Variants in NFX1 observed in about 807,000 individuals in gnomAD.
NFX1 encodes nuclear transcription factor, X-box binding 1, also known as transcriptional repressor NF-X1.
NFX1 carries 69 observed loss-of-function variants against 137.2 expected under a neutral mutation model. The ratio of observed to expected loss-of-function variants is 0.50; its 90% CI spans 0.41 to 0.61. The LOEUF (loss-of-function observed/expected upper bound fraction) is 0.61. Ranked by LOEUF, NFX1 falls within the 20% of genes least tolerant of loss-of-function variation. The pLI, the probability that NFX1 is intolerant of heterozygous loss-of-function variation, is 0.00. For missense variants in NFX1, 1,167 were observed against 1,391.0 expected, an observed-to-expected ratio of 0.84 and a Z score of 2.56; for synonymous variants, 495 against 474.1, an observed-to-expected ratio of 1.04 and a Z score of -0.57.
At chr9:33,314,449 G>A (rs987221283) in intron 7 of NFX1, among the ~76,000 whole-genome samples, 3 of 152,002 alleles carry the variant, frequency 2.0e-5, no homozygotes, top group Non-Finnish European at 2.9e-5. Context: ...GGGTGAGGCC[G>A]GTGGATCACT....
At chr9:33,334,096 G>A (rs1822910864) in intron 11 of NFX1, among the ~76,000 whole-genome samples, 1 of 152,202 alleles carries the variant, frequency 6.6e-6, no homozygotes, top group South Asian at 2.1e-4. Flanking sequence ...AGTGAACTGA[G>A]ATCACACCAT....
intron 9 of NFX1, among the ~76,000 whole-genome samples, chr9:33,326,821 A>G (rs1354286777): frequency 2.0e-5 from 3 of 152,224 alleles, no homozygotes; most frequent in Admixed American, 2.0e-4. Context: ...TATTGGGTTT[A>G]TAACATATAG....
intron 13 of NFX1, 70 bp from the exon 14 acceptor site, chr9:33,343,998 TG>T: frequency 6.3e-7 from 1 of 1,589,522 alleles, no homozygotes; most frequent in Non-Finnish European, 8.6e-7. Flanking sequence ...TGTGTGTTTG[TG>T]TGTGTTAGTA....
At chr9:33,359,300 A>G (rs1025497014) in intron 19 of NFX1, among the ~76,000 whole-genome samples, 3 of 151,956 alleles carry the variant, frequency 2.0e-5, no homozygotes, top group African/African-American at 7.3e-5. Flanking sequence ...GGAGGGTGGT[A>G]ATAATAGATA....
At chr9:33,344,897 C>T (rs775742113) in intron 14 of NFX1, among the ~76,000 whole-genome samples, 1 of 151,978 alleles carries the variant, frequency 6.6e-6, no homozygotes, top group Non-Finnish European at 1.5e-5. Context: ...CACAGTGGCT[C>T]ATGCCTGTAA....
At chr9:33,301,553 A>ATATGTT in intron 3 of NFX1, 132 bp downstream of exon 3, 2 of 863,898 alleles carry the variant, frequency 2.3e-6, no homozygotes, top group Non-Finnish European at 3.4e-6. Flanking sequence ...TGTTACCTTG[A>ATATGTT]TCATGTGTTT....
intron 17 of NFX1, 48 bp from the exon 18 acceptor site, chr9:33,354,038 C>G: frequency 6.5e-7 from 1 of 1,528,472 alleles, no homozygotes; most frequent in African/African-American, 1.4e-5. Context: ...TAAGGAGGTT[C>G]TTGTGAAACT....
intron 20 of NFX1, among the ~76,000 whole-genome samples, 155 bp from the exon 21 acceptor site, chr9:33,364,553 C>A (rs1221314947): frequency 6.6e-6 from 1 of 152,204 alleles, no homozygotes; most frequent in Non-Finnish European, 1.5e-5. Flanking sequence ...TTTTGTTCTT[C>A]CGTCAGTCAT....
At chr9:33,369,807 A>T in intron 23 of NFX1, 99 bp from the exon 24 acceptor site, 1 of 848,092 alleles carries the variant, frequency 1.2e-6, no homozygotes, top group Non-Finnish European at 1.9e-6. Flanking sequence ...AATGTTTAAG[A>T]TTCACAAATG....
intron 12 of NFX1, among the ~76,000 whole-genome samples, chr9:33,340,345 G>A (rs1219857816): frequency 3.9e-5 from 6 of 152,360 alleles, no homozygotes; most frequent in African/African-American, 1.2e-4. Flanking sequence ...CCCAAGCTCT[G>A]TGTTGGCCCC....
At chr9:33,301,235 C>T in intron 2 of NFX1, 28 bp from the exon 3 acceptor site, 1 of 1,602,232 alleles carries the variant, frequency 6.2e-7, no homozygotes, top group Non-Finnish European at 8.5e-7. Context: ...TTGAGTTAAT[C>T]TTTTTTGTTA....
chr9:33,355,915 G>A (rs1823795335), intron 19 of NFX1, among the ~76,000 whole-genome samples: 1 of 152,114 alleles, frequency 6.6e-6, no homozygotes, highest in South Asian at 2.1e-4. Context: ...AAAGTGTTGG[G>A]ATTACAAGCT....
At chr9:33,347,595 G>C in intron 15 of NFX1, 1 of 276,114 alleles carries the variant, frequency 3.6e-6, no homozygotes, top group Non-Finnish European at 7.4e-6. Flanking sequence ...ATGTAAACTA[G>C]TACAACCACT....
Position 33,300,464 on chromosome 9 carries a change from C to A in NFX1, c.1034-799C>A, listed in dbSNP as rs114876875. On this transcript the variant is annotated intron_variant, in intron 2 of 23. Transcript: ENST00000379540. ...CTTTTAACTTATTTAGACCTGAAAG[C>A]AAATAACAATAATATTATGAAATAA... 3.7e-3 allele frequency among the ~76,000 whole-genome samples: 567 copies of A among 151,984 alleles called. 1 individual carries two copies. The highest frequency in any genetic ancestry group is 0.013 in the African/African-American group (539 of 41,448).
chr9:33,362,692 GTTTTT>G (rs750544815), intron 19 of NFX1, among the ~76,000 whole-genome samples: 2 of 96,302 alleles, frequency 2.1e-5, no homozygotes, highest in Non-Finnish European at 3.8e-5. Flanking sequence ...AGTTCCTGTG[GTTTTT>G]TTTTTTTTTT....
intron 19 of NFX1, among the ~76,000 whole-genome samples, chr9:33,360,788 T>G (rs1823963771): frequency 6.6e-6 from 1 of 152,220 alleles, no homozygotes; most frequent in Non-Finnish European, 1.5e-5. Context: ...GATCTTCCCC[T>G]AGAAATTCTC....
At chr9:33,293,476 G>A (rs1451070320) in intron 1 of NFX1, among the ~76,000 whole-genome samples, 1 of 152,190 alleles carries the variant, frequency 6.6e-6, no homozygotes, top group Admixed American at 6.5e-5. Flanking sequence ...GCAACTCTTT[G>A]ATATAGAGGT....
Position 33,338,549 on chromosome 9 carries a change from G to A in NFX1, c.2075G>A (p.Arg692Gln). 3.1e-6 allele frequency: 5 copies of A among 1,602,412 alleles called. No homozygotes were observed. The highest frequency in any genetic ancestry group is 4.2e-6 in the Non-Finnish European group (5 of 1,176,864). Residue 692 changes from arginine (R) to glutamine (Q), a missense_variant, in exon 12 of 24, where the codon CGG becomes CAG. By Grantham distance (43) the Arg-to-Gln change is conservative. Around this residue, in one of 3 missense-constraint regions of NFX1, gnomAD observed 488 missense variants for 691.5 expected, o/e 0.71. Coordinates refer to ENST00000379540, the MANE Select transcript of NFX1 (RefSeq NM_002504.6). ...FMCDKRCNKK[R>Q]LCGRHKCNEI... ...TGTGACAAGCGGTGTAACAAGAAACGGTTGTGTGGACGGCATAAATGTAAT... is the reference window on the plus strand; with the variant it reads ...TGTGACAAGCGGTGTAACAAGAAACAGTTGTGTGGACGGCATAAATGTAAT...
At chr9:33,367,688 C>A in intron 23 of NFX1, 69 bp downstream of exon 23, 1 of 1,467,852 alleles carries the variant, frequency 6.8e-7, no homozygotes, top group Non-Finnish European at 9.5e-7. Context: ...CTGAATTGTC[C>A]TGAGCTGCAC....
Sources: allele counts gnomAD v4.1 joint callset (sites outside exome capture counted in the v4.1 genomes callset), GRCh38; gene constraint gnomAD v4.1.1; regional missense constraint gnomAD v4.1.1; transcripts MANE v1.5; gene names NCBI Gene and HGNC (gene_info 2026-07-23, HGNC 2026-07-21).